The following COL24A1 variants were observed in gnomAD, a reference collection of about 807,000 sequenced individuals.
COL24A1 encodes the protein collagen type XXIV alpha 1 chain, also known as collagen alpha-1(XXIV) chain.
A neutral mutation model predicts 253.9 loss-of-function variants in COL24A1; 224 were observed. The observed-to-expected ratio is 0.88, with a 90% CI of 0.79 to 0.99. The LOEUF is 0.99. COL24A1 is among the 50% of genes least tolerant of loss of function. The pLI is 0.00. For synonymous variants in COL24A1, 685 were observed against 673.7 expected (o/e 1.02, Z -0.26); for missense variants, 2,131 against 2,068.5 (o/e 1.03, Z -0.59).
chr1:86,011,577 C>T (rs1405784731), intron 19 of COL24A1, among the ~76,000 whole-genome samples: 5 of 152,214 alleles, frequency 3.3e-5, no homozygotes, highest in Non-Finnish European at 7.3e-5. Flanking sequence ...CAATCCAGCT[C>T]TCCTTCTCTG....
intron 1 of COL24A1, among the ~76,000 whole-genome samples, chr1:86,149,517 T>A (rs1443514811): frequency 6.6e-6 from 1 of 152,218 alleles, no homozygotes; most frequent in Non-Finnish European, 1.5e-5. Context: ...TGCATCTCAA[T>A]TATGCTGTCT....
chr1:86,019,992 ACAT>A (rs1343935355), intron 18 of COL24A1, among the ~76,000 whole-genome samples: 1 of 152,004 alleles, frequency 6.6e-6, no homozygotes. Flanking sequence ...AAAGAGAAAA[ACAT>A]CATAATCACA....
At chr1:86,067,068 G>A (rs762076774) in intron 7 of COL24A1, among the ~76,000 whole-genome samples, 8 of 152,030 alleles carry the variant, frequency 5.3e-5, no homozygotes, top group African/African-American at 1.2e-4. Context: ...GAACCCAGGA[G>A]GCAGAGGTTG....
chr1:85,785,094 GCTAT>G (rs1669544408), intron 48 of COL24A1, among the ~76,000 whole-genome samples: 1 of 152,078 alleles, frequency 6.6e-6, no homozygotes, highest in Non-Finnish European at 1.5e-5. Context: ...AGATGATTCA[GCTAT>G]CTAATACCAG....
intron 19 of COL24A1, among the ~76,000 whole-genome samples, chr1:86,016,475 C>T (rs7526060): frequency 0.31 from 47,152 of 151,836 alleles, 7,791 homozygotes; most frequent in Middle Eastern, 0.51. Context: ...TGTGTGCTTG[C>T]GTGTATGTGT....
At chr1:85,939,542 C>A (rs1688538166) in intron 24 of COL24A1, among the ~76,000 whole-genome samples, 1 of 152,134 alleles carries the variant, frequency 6.6e-6, no homozygotes, top group Non-Finnish European at 1.5e-5. Context: ...TCTGAGACAG[C>A]ATCTGGAGTG....
At chr1:86,101,135 C>T (rs1704416970) in intron 5 of COL24A1, among the ~76,000 whole-genome samples, 1 of 152,050 alleles carries the variant, frequency 6.6e-6, no homozygotes, top group African/African-American at 2.4e-5. Flanking sequence ...GATGCTAACT[C>T]TGGTAAGCTG....
chr1:85,959,584 T>A (rs1690812128), intron 24 of COL24A1, among the ~76,000 whole-genome samples: 1 of 152,164 alleles, frequency 6.6e-6, no homozygotes, highest in Admixed American at 6.5e-5. Flanking sequence ...AAAATGTATC[T>A]TTTAAAGCTG....
intron 3 of COL24A1, among the ~76,000 whole-genome samples, chr1:86,117,285 G>A (rs1314917237): frequency 6.6e-6 from 1 of 152,102 alleles, no homozygotes; most frequent in Non-Finnish European, 1.5e-5. Context: ...GATGGGTCAG[G>A]GATTAGTGTC....
chr1:86,103,929 C>A (rs1172519290), intron 5 of COL24A1, among the ~76,000 whole-genome samples: 1 of 152,110 alleles, frequency 6.6e-6, no homozygotes, highest in Admixed American at 6.5e-5. Context: ...ATTTTGGCCT[C>A]TCTAGCTAGG....
intron 3 of COL24A1, among the ~76,000 whole-genome samples, chr1:86,118,599 G>A (rs982272681): frequency 3.3e-5 from 5 of 152,014 alleles, no homozygotes; most frequent in Non-Finnish European, 7.4e-5. Flanking sequence ...CCTGGAGTTT[G>A]CAGTCTAGAT....
chr1:86,132,956 C>G (rs1393703925), intron 2 of COL24A1, among the ~76,000 whole-genome samples: 3 of 152,054 alleles, frequency 2.0e-5, no homozygotes, highest in Admixed American at 2.0e-4. Flanking sequence ...TTACCTTGGG[C>G]AGTATGGCCC....
intron 5 of COL24A1, among the ~76,000 whole-genome samples, chr1:86,104,396 C>T (rs538487127): frequency 5.1e-4 from 77 of 152,276 alleles, no homozygotes; most frequent in African/African-American, 1.8e-3. Context: ...CATCTCAGCC[C>T]AGTTCAGAAC....
chr1:85,883,484 G>C (rs1030745122), intron 32 of COL24A1, among the ~76,000 whole-genome samples: 1 of 151,898 alleles, frequency 6.6e-6, no homozygotes, highest in African/African-American at 2.4e-5. Context: ...GCCTCCTAAA[G>C]TGCTAGGATT....
At chr1:85,962,653 A>T (rs1417832298) in intron 23 of COL24A1, among the ~76,000 whole-genome samples, 1 of 152,218 alleles carries the variant, frequency 6.6e-6, no homozygotes, top group East Asian at 1.9e-4. Context: ...GTGGTGAGGA[A>T]TGGCATCAGC....
rs1056443824 is a variant in COL24A1 at position 86,098,399 on chromosome 1, T to A, written c.1600-6079A>T. Among the ~76,000 whole-genome samples the A allele has an allele frequency of 4.5e-5, 4 of 88,794 alleles. No homozygotes were observed. The Admixed American group carries it at 5.5e-4, about 12-fold the overall frequency. The allele number at this position is 88,794 out of a possible 152,430, so 58.3% of individuals were successfully genotyped here. ...AGAAAAGAAAGGAGCTTCCCCCAAA[T>A]GCTGGATATAGATTTTTCATCCTTG... On this transcript the variant is annotated intron_variant, in intron 5 of 59. Transcript: ENST00000370571.
At chr1:85,839,299 A>C (rs1676358409) in intron 42 of COL24A1, among the ~76,000 whole-genome samples, 2 of 152,232 alleles carry the variant, frequency 1.3e-5, no homozygotes. Context: ...TTTACTAAAT[A>C]TTAAAATGAT....
Position 85,794,874 on chromosome 1 carries a change from A to G in COL24A1, c.3952-8413T>C, listed in dbSNP as rs190944949. Among the ~76,000 whole-genome samples, 525 of 152,286 alleles carry G rather than the reference A, an allele frequency of 3.4e-3. 1 individual carries two copies. Among genetic ancestry groups the G allele is most frequent in the African/African-American group, 0.012 (507 of 41,566 alleles). ...AGAGTACATGGTGTCGCATGACCAG[A>G]GACTTCCTTTATTCTCAGATAGGAG... On this transcript the variant is annotated intron_variant, in intron 47 of 59. Coordinates refer to ENST00000370571, the MANE Select transcript of COL24A1 (RefSeq NM_152890.7).
chr1:85,797,255 T>C (rs888387255), intron 47 of COL24A1, among the ~76,000 whole-genome samples: 2 of 151,120 alleles, frequency 1.3e-5, no homozygotes, highest in Non-Finnish European at 2.9e-5. Flanking sequence ...CAAATGTTTA[T>C]TGATCTTCTC....
Sources: gnomAD v4.1 joint callset for allele counts (sites outside exome capture counted in the v4.1 genomes callset) on GRCh38, gnomAD v4.1.1 for gene constraint, MANE v1.5 for transcripts, NCBI Gene and HGNC (gene_info 2026-07-23, HGNC 2026-07-21) for gene names.